The following TBC1D14 variants were observed in gnomAD, a reference collection of about 807,000 sequenced individuals.
TBC1D14 encodes TBC1 domain family member 14.
A neutral mutation model predicts 79.0 loss-of-function variants in TBC1D14; 26 were observed. That is an observed-to-expected ratio of 0.33 (90% CI 0.24 to 0.46). The LOEUF (loss-of-function observed/expected upper bound fraction) is 0.46, where lower values mean the gene tolerates loss of function less well. Among genes scored for constraint, TBC1D14 ranks in the 20% least tolerant of loss-of-function variants. TBC1D14 has a pLI of 1.00. For missense variants in TBC1D14, 769 were observed against 887.6 expected (o/e 0.87, Z 1.70); for synonymous variants, 394 against 349.9 (o/e 1.13, Z -1.40).
intron 3 of TBC1D14, among the ~76,000 whole-genome samples, chr4:6,979,766 T>A (rs945952873): frequency 3.3e-5 from 5 of 152,132 alleles, no homozygotes; most frequent in Admixed American, 3.3e-4. Context: ...TCTATTAATA[T>A]AATAAAAATT....
At chr4:6,954,516 T>C (rs1399807164) in intron 2 of TBC1D14, among the ~76,000 whole-genome samples, 1 of 152,224 alleles carries the variant, frequency 6.6e-6, no homozygotes, top group African/African-American at 2.4e-5. Flanking sequence ...AGGCAGCATC[T>C]CTGAGTGCCC....
chr4:6,923,699 G>C lies in TBC1D14; in HGVS notation c.310G>C (p.Ala104Pro), dbSNP rs371738551. ...CATCCCCGAGCGGGCCTTCCAGAGC[G>C]CCTGCGCGCTGCCATCCTGTGCGCC... Reference protein sequence around the residue: ...DLIPERAFQSACALPSCAPPA... With the variant: ...DLIPERAFQSPCALPSCAPPA... The change falls in exon 2 of 14, where the codon GCC becomes CCC. Residue 104 changes from alanine (A) to proline (P), a missense_variant. This residue lies in a region of TBC1D14 where 402 missense variants were observed against 393.2 expected (regional missense o/e 1.02). Coordinates refer to ENST00000409757, the MANE Select transcript of TBC1D14 (RefSeq NM_020773.3). The C allele has an allele frequency of 1.9e-6, 3 of 1,613,668 alleles. No individual in the cohort carries two copies. Among genetic ancestry groups the C allele is most frequent in the Non-Finnish European group, 2.5e-6 (3 of 1,180,040 alleles).
intron 1 of TBC1D14, among the ~76,000 whole-genome samples, chr4:6,921,460 A>G (rs899553057): frequency 2.0e-5 from 3 of 150,420 alleles, no homozygotes; most frequent in African/African-American, 7.3e-5. Context: ...TCCTGCCTCT[A>G]CCTCCCAAAA....
chr4:6,941,802 C>G (rs545229431), intron 2 of TBC1D14, among the ~76,000 whole-genome samples: 1 of 152,350 alleles, frequency 6.6e-6, no homozygotes, highest in South Asian at 2.1e-4. Context: ...GTTCATGGAA[C>G]TTCCTCAGGC....
At chr4:6,984,843 G>C (rs1218676407) in intron 3 of TBC1D14, among the ~76,000 whole-genome samples, 2 of 152,238 alleles carry the variant, frequency 1.3e-5, no homozygotes, top group African/African-American at 2.4e-5. Flanking sequence ...GGAGGGGACT[G>C]TCTGTGTTCT....
At chr4:6,927,165 A>T (rs1724356427) in intron 2 of TBC1D14, among the ~76,000 whole-genome samples, 1 of 152,112 alleles carries the variant, frequency 6.6e-6, no homozygotes, top group African/African-American at 2.4e-5. Flanking sequence ...TGTAATGAGC[A>T]CTTCTGTCCC....
At chr4:6,955,880 G>T (rs147599053) in intron 2 of TBC1D14, among the ~76,000 whole-genome samples, 302 of 152,232 alleles carry the variant, frequency 2.0e-3, no homozygotes, top group Non-Finnish European at 3.3e-3. Flanking sequence ...AGTCCGAGTC[G>T]CAGCTCTGTG....
chr4:7,028,781 A>C (rs1322855136), intron 13 of TBC1D14, among the ~76,000 whole-genome samples: 1 of 151,498 alleles, frequency 6.6e-6, no homozygotes, highest in Non-Finnish European at 1.5e-5. Flanking sequence ...GTCCATGCAC[A>C]TTTCTCTCAA....
rs529510162 is a variant in TBC1D14 at position 6,916,288 on chromosome 4, C to T, written c.-18+6337C>T. On this transcript the variant is annotated intron_variant, in intron 1 of 13. Transcript: ENST00000409757. ...TTGAAGAGGCAGCTGTCCTGTGGAG[C>T]GTCCAGAGAGGAGCCGGGACAGGGA... Among the ~76,000 whole-genome samples the T allele has an allele frequency of 9.9e-5, 15 of 152,214 alleles. No individual in the cohort carries two copies. The South Asian group carries it at 1.2e-3, about 13-fold the overall frequency.
At chr4:6,937,262 AACAACAG>A (rs1712428726) in intron 2 of TBC1D14, among the ~76,000 whole-genome samples, 1 of 152,140 alleles carries the variant, frequency 6.6e-6, no homozygotes, top group Admixed American at 6.5e-5. Context: ...GTGGCTTGTA[AACAACAG>A]AAATTTGTTT....
At chr4:7,004,760 T>C in intron 7 of TBC1D14, 84 bp from the exon 8 acceptor site, 2 of 1,247,410 alleles carry the variant, frequency 1.6e-6, no homozygotes, top group South Asian at 1.2e-5. Flanking sequence ...CTTAAGTATT[T>C]GGAGGAAATA....
intron 1 of TBC1D14, among the ~76,000 whole-genome samples, chr4:6,922,397 A>G (rs578125584): frequency 6.6e-6 from 1 of 152,224 alleles, no homozygotes; most frequent in South Asian, 2.1e-4. Context: ...AAGCCTTTCT[A>G]ACCTACGTGT....
intron 4 of TBC1D14, chr4:6,995,674 G>T (rs923921985): frequency 6.6e-6 from 1 of 151,370 alleles, no homozygotes; most frequent in African/African-American, 2.4e-5. Flanking sequence ...CACCATGCCC[G>T]GCTACTTTTT....
chr4:6,978,127 G>GT (rs1304411879), intron 3 of TBC1D14, among the ~76,000 whole-genome samples: 2 of 148,730 alleles, frequency 1.3e-5, no homozygotes, highest in Non-Finnish European at 3.0e-5. Flanking sequence ...GGGGGGGTCA[G>GT]CCCCCCGCCC....
chr4:6,919,864 C>T lies in TBC1D14; in HGVS notation c.-17-3509C>T, dbSNP rs559283919. The stretch of plus-strand genomic sequence containing the variant: ...TCAAACTCCTGACTTCGTGATCTGC[C>T]CGCCTTGGCCTCCCAAAGTACTGGG... On this transcript the variant is annotated intron_variant, in intron 1 of 13. Transcript: ENST00000409757. 3.9e-5 allele frequency among the ~76,000 whole-genome samples: 6 copies of T among 152,264 alleles called. No homozygotes were observed. In the South Asian group the frequency reaches 1.2e-3, roughly 32 times the overall value.
At chr4:7,030,148 G>C (rs978764100) in intron 13 of TBC1D14, among the ~76,000 whole-genome samples, 179 bp from the exon 14 acceptor site, 5 of 152,194 alleles carry the variant, frequency 3.3e-5, no homozygotes, top group African/African-American at 9.7e-5. Flanking sequence ...GGCACGGGCA[G>C]GTGTCCATGT....
chr4:7,006,824 G>T (rs1288033198), intron 9 of TBC1D14, 98 bp downstream of exon 9: 2 of 1,083,008 alleles, frequency 1.8e-6, no homozygotes, highest in Non-Finnish European at 2.7e-6. Context: ...AGGTACTTGG[G>T]TTTTTGGGGG....
chr4:7,005,114 A>G (rs572342417), intron 8 of TBC1D14, among the ~76,000 whole-genome samples, 190 bp downstream of exon 8: 1 of 152,318 alleles, frequency 6.6e-6, no homozygotes, highest in South Asian at 2.1e-4. Flanking sequence ...TTTTATAAGA[A>G]ATTGGCCGGG....
chr4:6,925,515 T>C (rs1307111081), intron 2 of TBC1D14, among the ~76,000 whole-genome samples: 4 of 152,112 alleles, frequency 2.6e-5, no homozygotes, highest in African/African-American at 7.2e-5. Flanking sequence ...CCTTAGTTGC[T>C]TCATCAACTA....
Sources: allele counts gnomAD v4.1 joint callset (sites outside exome capture counted in the v4.1 genomes callset), GRCh38; gene constraint gnomAD v4.1.1; regional missense constraint gnomAD v4.1.1; transcripts MANE v1.5; gene names NCBI Gene and HGNC (gene_info 2026-07-23, HGNC 2026-07-21).